The following ASTN2 variants were observed in gnomAD, a reference collection of about 807,000 sequenced individuals.
ASTN2 encodes astrotactin 2.
A neutral mutation model predicts 139.8 loss-of-function variants in ASTN2; 54 were observed. The observed-to-expected ratio is 0.39, with a 90% confidence interval of 0.31 to 0.48. The LOEUF (loss-of-function observed/expected upper bound fraction) is 0.48, where lower values mean the gene tolerates loss of function less well. ASTN2 is among the 20% of genes least tolerant of loss of function. ASTN2 has a pLI of 0.95. For synonymous variants in ASTN2, 756 were observed against 719.5 expected (o/e 1.05, Z -0.81); for missense variants, 1,565 against 1,725.1 (o/e 0.91, Z 1.64).
At chr9:116,522,902 C>A (rs936292304) in intron 19 of ASTN2, among the ~76,000 whole-genome samples, 5 of 152,132 alleles carry the variant, frequency 3.3e-5, no homozygotes, top group African/African-American at 1.2e-4. Flanking sequence ...GTTGGCACAG[C>A]TATTAACTAT....
intron 11 of ASTN2, among the ~76,000 whole-genome samples, chr9:116,855,195 G>A (rs1322205196): frequency 6.6e-6 from 1 of 152,150 alleles, no homozygotes; most frequent in Non-Finnish European, 1.5e-5. Context: ...ATAAAAGGGT[G>A]CATAGGCTTT....
chr9:116,674,388 C>A (rs1339970240), intron 16 of ASTN2, among the ~76,000 whole-genome samples: 1 of 152,194 alleles, frequency 6.6e-6, no homozygotes, highest in Non-Finnish European at 1.5e-5. Flanking sequence ...GCTGGCCCTG[C>A]CGGCATTTAT....
Position 116,854,949 on chromosome 9 carries a change from G to T in ASTN2, c.2040+8634C>A, listed in dbSNP as rs192748448. Among the ~76,000 whole-genome samples, 679 of 150,874 alleles carry T rather than the reference G, an allele frequency of 4.5e-3. 2 individuals are homozygous for T. Among genetic ancestry groups the T allele is most frequent in the Admixed American group, 0.012 (189 of 15,260 alleles). ...TTACAGGTTTGAGCCACCGCGCCCG[G>T]CCTCCCTTCTCATTATTCCCCCCCC... On this transcript the variant is annotated intron_variant, in intron 11 of 22. Coordinates refer to ENST00000313400, the MANE Select transcript of ASTN2 (RefSeq NM_001365068.1).
chr9:117,062,634 G>C (rs1015734465), intron 5 of ASTN2, among the ~76,000 whole-genome samples: 20 of 152,144 alleles, frequency 1.3e-4, no homozygotes, highest in Admixed American at 1.2e-3. Flanking sequence ...CAAGCCCTTA[G>C]CCATGCCCTT....
At chr9:116,686,605 C>T in intron 16 of ASTN2, 1 of 1,283,710 alleles carries the variant, frequency 7.8e-7, no homozygotes, top group South Asian at 1.3e-5. Context: ...GCCCCAGATT[C>T]CCTCAAATCT....
chr9:116,594,596 G>A lies in ASTN2; in HGVS notation c.3355+23728C>T, dbSNP rs573215761. On this transcript the variant is annotated intron_variant, in intron 19 of 22. Transcript: ENST00000313400. ...CGATTTTGCAGTCACTTTATGTTCA[G>A]CCAGTTAACAGTACTCATTGGATGT... is the stretch of plus-strand genomic sequence containing the variant. Among the ~76,000 whole-genome samples, 3 of 152,240 alleles carry A rather than the reference G, an allele frequency of 2.0e-5. No individual in the cohort carries two copies. In the East Asian group the frequency reaches 5.8e-4, roughly 29 times the overall value.
chr9:117,259,192 C>T (rs1833763022), intron 2 of ASTN2, among the ~76,000 whole-genome samples: 2 of 152,100 alleles, frequency 1.3e-5, no homozygotes, highest in African/African-American at 4.8e-5. Flanking sequence ...CTCTCTGTAG[C>T]TCAGGTTTCT....
At chr9:116,858,981 T>C (rs961608789) in intron 11 of ASTN2, among the ~76,000 whole-genome samples, 8 of 152,196 alleles carry the variant, frequency 5.3e-5, no homozygotes, top group African/African-American at 1.7e-4. Context: ...ATTTAGGTGT[T>C]GGCAGGGTTG....
At chr9:116,927,409 C>G (rs775638365) in intron 10 of ASTN2, among the ~76,000 whole-genome samples, 8 of 152,156 alleles carry the variant, frequency 5.3e-5, no homozygotes, top group Admixed American at 1.3e-4. Context: ...ATATATTTAT[C>G]ATTACTAACA....
intron 13 of ASTN2, among the ~76,000 whole-genome samples, chr9:116,798,883 A>G (rs921460494): frequency 1.3e-5 from 2 of 152,200 alleles, no homozygotes; most frequent in Non-Finnish European, 1.5e-5. Context: ...TTTCACAGTC[A>G]GGCCACTGAA....
chr9:117,200,451 G>A (rs555584069), intron 3 of ASTN2, among the ~76,000 whole-genome samples: 4 of 152,196 alleles, frequency 2.6e-5, no homozygotes, highest in African/African-American at 7.2e-5. Context: ...GGTTTTCAAA[G>A]GGAATGCTTC....
intron 5 of ASTN2, among the ~76,000 whole-genome samples, chr9:117,090,889 C>T (rs74845548): frequency 0.16 from 24,374 of 152,206 alleles, 2,314 homozygotes; most frequent in African/African-American, 0.24. Context: ...TCCTTCTCCT[C>T]CATGCCCCAC....
intron 11 of ASTN2, among the ~76,000 whole-genome samples, chr9:116,842,686 C>A (rs964146063): frequency 6.8e-6 from 1 of 148,020 alleles, no homozygotes; most frequent in Non-Finnish European, 1.5e-5. Context: ...ATTCAGCTGC[C>A]GCTCAATTTG....
intron 16 of ASTN2, among the ~76,000 whole-genome samples, chr9:116,694,153 C>A (rs1041914133): frequency 6.6e-6 from 1 of 152,110 alleles, no homozygotes; most frequent in Non-Finnish European, 1.5e-5. Context: ...ATAGTAAATT[C>A]ATTTTTTTAA....
intron 20 of ASTN2, among the ~76,000 whole-genome samples, chr9:116,474,893 G>C (rs1029442767): frequency 1.3e-5 from 2 of 152,128 alleles, no homozygotes; most frequent in African/African-American, 4.8e-5. Flanking sequence ...GAACTAACTG[G>C]GTACTTTGTT....
At chr9:116,836,365 C>G (rs993143906) in intron 11 of ASTN2, among the ~76,000 whole-genome samples, 1 of 143,800 alleles carries the variant, frequency 7.0e-6, no homozygotes. Flanking sequence ...CTGAATAGGC[C>G]AGGGGATGGG....
At chr9:116,957,230 T>G (rs1354751383) in intron 10 of ASTN2, among the ~76,000 whole-genome samples, 1 of 152,170 alleles carries the variant, frequency 6.6e-6, no homozygotes, top group African/African-American at 2.4e-5. Context: ...CATGTACATA[T>G]GCGTGTGTAT....
chr9:117,333,177 T>A (rs1460534135), intron 1 of ASTN2, among the ~76,000 whole-genome samples: 3 of 151,876 alleles, frequency 2.0e-5, no homozygotes, highest in Non-Finnish European at 1.5e-5. Context: ...AACTGATGCC[T>A]GAACCCATGC....
intron 9 of ASTN2, 104 bp downstream of exon 9, chr9:116,976,010 T>C: frequency 9.1e-7 from 1 of 1,100,830 alleles, no homozygotes; most frequent in Non-Finnish European, 1.4e-6. Context: ...TCAGTGCAGC[T>C]CAGAAGTGCA....
Sources: gnomAD v4.1 joint callset for allele counts (sites outside exome capture counted in the v4.1 genomes callset) on GRCh38, gnomAD v4.1.1 for gene constraint, MANE v1.5 for transcripts, NCBI Gene and HGNC (gene_info 2026-07-23, HGNC 2026-07-21) for gene names.